Variants in PNPLA1 observed in about 807,000 individuals in gnomAD.
The protein encoded by PNPLA1 is omega-hydroxyceramide transacylase.
In PNPLA1, 36 loss-of-function variants were observed where a neutral mutation model predicts 51.7. That is an observed-to-expected ratio of 0.70 (90% CI 0.53 to 0.92). The LOEUF (loss-of-function observed/expected upper bound fraction) is 0.92, where lower values mean the gene tolerates loss of function less well. Ranked by LOEUF, PNPLA1 falls within the 40% of genes least tolerant of loss-of-function variation. PNPLA1 has a pLI of 0.00. For synonymous variants in PNPLA1, 293 were observed against 280.1 expected, an observed-to-expected ratio of 1.05 and a Z score of -0.46; for missense variants, 658 against 682.5, an observed-to-expected ratio of 0.96 and a Z score of 0.40.
intron 1 of PNPLA1, among the ~76,000 whole-genome samples, chr6:36,287,576 G>A (rs528043124): frequency 6.6e-6 from 1 of 152,248 alleles, no homozygotes; most frequent in South Asian, 2.1e-4. Flanking sequence ...ACATAAATAA[G>A]CTAAATTTAT....
Position 36,313,305 on chromosome 6 carries a change from C to A in PNPLA1, c.*1419C>A, listed in dbSNP as rs1347355224. On this transcript the variant is annotated 3_prime_UTR_variant, in exon 9 of 9. Coordinates refer to ENST00000636260, the MANE Select transcript of PNPLA1 (RefSeq NM_001374623.1). ...TCCAGCCTGTCCAGAAAATAATTGC[C>A]CCCCTCCTCCCCAGAGAGCAGACAA... Among the ~76,000 whole-genome samples the A allele has an allele frequency of 1.3e-5, 2 of 152,070 alleles. No individual in the cohort carries two copies. The highest frequency in any genetic ancestry group is 2.9e-5 in the Non-Finnish European group (2 of 68,034).
upstream of PNPLA1, among the ~76,000 whole-genome samples, chr6:36,269,662 G>A (rs1040186072): frequency 6.6e-6 from 1 of 152,222 alleles, no homozygotes; most frequent in Non-Finnish European, 1.5e-5. Context: ...CACAGGGTCA[G>A]TGAAGGGCCC....
At chr6:36,255,396 T>G (rs1482289300) in intron 1 of PNPLA1, among the ~76,000 whole-genome samples, 2 of 152,200 alleles carry the variant, frequency 1.3e-5, no homozygotes, top group African/African-American at 4.8e-5. Context: ...TCCCAACTAC[T>G]TGGGAGGCCG....
chr6:36,252,102 A>G (rs73415547), intron 1 of PNPLA1, among the ~76,000 whole-genome samples: 5 of 152,128 alleles, frequency 3.3e-5, no homozygotes, highest in Non-Finnish European at 7.4e-5. Context: ...CCCTATCCTA[A>G]TAGAAACTGC....
intron 3 of PNPLA1, among the ~76,000 whole-genome samples, chr6:36,293,894 G>A (rs1441666612): frequency 2.0e-5 from 3 of 152,118 alleles, no homozygotes; most frequent in African/African-American, 7.2e-5. Context: ...TGGGTCCCCT[G>A]CACACAGAGC....
intron 1 of PNPLA1, among the ~76,000 whole-genome samples, chr6:36,252,936 T>C (rs1256441853): frequency 6.6e-6 from 1 of 152,166 alleles, no homozygotes; most frequent in East Asian, 1.9e-4. Flanking sequence ...ATTCCAGCAC[T>C]TTTGGCGGCC....
chr6:36,262,336 G>T (rs984827722), intron 1 of PNPLA1, among the ~76,000 whole-genome samples: 8 of 152,130 alleles, frequency 5.3e-5, no homozygotes, highest in African/African-American at 1.9e-4. Flanking sequence ...AATCTCATCA[G>T]CCAGACGGGG....
Position 36,296,068 on chromosome 6 carries a change from T to TAATCTC in PNPLA1, c.775+645_775+646insATCTCA, listed in dbSNP as rs1770849764. Among the ~76,000 whole-genome samples the TAATCTC allele has an allele frequency of 5.9e-5, 9 of 152,264 alleles. No individual in the cohort carries two copies. The South Asian group carries it at 1.9e-3, about 32-fold the overall frequency. On this transcript the variant is annotated intron_variant, in intron 5 of 8. Coordinates refer to ENST00000636260, the MANE Select transcript of PNPLA1 (RefSeq NM_001374623.1). ...GCTCATGCCTGTAATCTCAGCACTG[T>TAATCTC]AGGAGGGCAAGGCAGGAGAATCACT...
chr6:36,274,975 A>C (rs1770045922), intron 1 of PNPLA1, among the ~76,000 whole-genome samples: 1 of 149,630 alleles, frequency 6.7e-6, no homozygotes, highest in South Asian at 2.1e-4. Context: ...CTCTTTTCCC[A>C]CTCTATTTCT....
At chr6:36,283,592 C>A (rs960836617) in intron 1 of PNPLA1, among the ~76,000 whole-genome samples, 1 of 152,018 alleles carries the variant, frequency 6.6e-6, no homozygotes, top group African/African-American at 2.4e-5. Context: ...CCCGGGAGTT[C>A]AAGTCCAGCC....
intron 5 of PNPLA1, among the ~76,000 whole-genome samples, chr6:36,299,396 A>T (rs1423821264): frequency 6.9e-6 from 1 of 145,068 alleles, no homozygotes; most frequent in South Asian, 2.2e-4. Flanking sequence ...GTGCAGTGGC[A>T]TGATCTCGGC....
intron 1 of PNPLA1, among the ~76,000 whole-genome samples, chr6:36,279,230 C>T (rs888491955): frequency 4.6e-5 from 7 of 152,180 alleles, no homozygotes; most frequent in African/African-American, 1.4e-4. Flanking sequence ...CCCCCTGCCC[C>T]GCAAATGTGT....
rs1770825638 is a variant in PNPLA1, at chr6:36,295,367, C to T, written c.718C>T (p.Leu240=). 1 of 1,614,194 alleles carries T rather than the reference C, an allele frequency of 6.2e-7. No individual in the cohort carries two copies. Residue 240 remains leucine, a synonymous_variant, in exon 5 of 9, where the codon CTG becomes TTG. Transcript: ENST00000636260. ...CTCCTGGTGCCTCCGCCCACAGATC[C>T]TGCACGATTACTACTACCGAGGGTA... ...HALFPPDLVI[L]HDYYYRGYED...
chr6:36,253,976 T>A (rs1304949687), intron 1 of PNPLA1, among the ~76,000 whole-genome samples: 1 of 152,170 alleles, frequency 6.6e-6, no homozygotes, highest in Non-Finnish European at 1.5e-5. Context: ...CAGGGTATGC[T>A]GCTCCCATTC....
chr6:36,251,017 A>G (rs1769411181), intron 1 of PNPLA1, among the ~76,000 whole-genome samples: 1 of 151,964 alleles, frequency 6.6e-6, no homozygotes, highest in South Asian at 2.1e-4. Flanking sequence ...AGGCTTTCAG[A>G]ACACATACTT....
chr6:36,268,945 AT>A (rs1392914235), upstream of PNPLA1, among the ~76,000 whole-genome samples: 1 of 151,970 alleles, frequency 6.6e-6, no homozygotes, highest in Non-Finnish European at 1.5e-5. Flanking sequence ...TGCCTCAGAT[AT>A]CTGCACACAC....
intron 5 of PNPLA1, among the ~76,000 whole-genome samples, chr6:36,301,296 C>T (rs564503522): frequency 6.6e-6 from 1 of 152,112 alleles, no homozygotes; most frequent in Non-Finnish European, 1.5e-5. Context: ...CTGATTACCT[C>T]CCCTGCCTAA....
At chr6:36,310,113 A>AC (rs1771354474) in intron 8 of PNPLA1, among the ~76,000 whole-genome samples, 1 of 151,914 alleles carries the variant, frequency 6.6e-6, no homozygotes, top group Admixed American at 6.6e-5. Flanking sequence ...ATAACAAACA[A>AC]CCCCCCAAAT....
intron 1 of PNPLA1, among the ~76,000 whole-genome samples, chr6:36,259,482 T>C (rs1396029173): frequency 6.6e-6 from 1 of 152,100 alleles, no homozygotes; most frequent in African/African-American, 2.4e-5. Flanking sequence ...CACCACACAA[T>C]GGTTTTCACT....
Sources: allele counts gnomAD v4.1 joint callset (sites outside exome capture counted in the v4.1 genomes callset), GRCh38; gene constraint gnomAD v4.1.1; transcripts MANE v1.5; gene names NCBI Gene and HGNC (gene_info 2026-07-23, HGNC 2026-07-21).